Variants in MICU3 observed in about 807,000 individuals in gnomAD.
MICU3 encodes the protein calcium uptake protein 3, mitochondrial.
In MICU3, 62 loss-of-function variants were observed where a neutral mutation model predicts 66.5. That is an observed-to-expected ratio of 0.93 (90% CI 0.76 to 1.15). The LOEUF (loss-of-function observed/expected upper bound fraction) is 1.15. Ranked by LOEUF, MICU3 falls within the 50% of genes most tolerant of loss-of-function variation. The pLI is 0.00. For missense variants in MICU3, 779 were observed against 664.4 expected (o/e 1.17, Z -1.90); for synonymous variants, 308 against 240.7 (o/e 1.28, Z -2.59).
chr8:17,128,628 A>G, the MICU3 span, among the ~76,000 whole-genome samples: 2 of 152,194 alleles, frequency 1.3e-5, no homozygotes, highest in Admixed American at 6.5e-5. Context: ...AACAACTACG[A>G]CATTGCACAA....
At chr8:17,107,835 G>T in intron 11 of MICU3, among the ~76,000 whole-genome samples, 1 of 152,340 alleles carries the variant, frequency 6.6e-6, no homozygotes, top group East Asian at 1.9e-4. Flanking sequence ...ACACTCAGAT[G>T]TGGTCTAATT....
downstream of MICU3, among the ~76,000 whole-genome samples, chr8:17,126,428 A>G (rs1212810724): frequency 6.6e-6 from 1 of 152,226 alleles, no homozygotes; most frequent in Non-Finnish European, 1.5e-5. Context: ...ATTATGGTAT[A>G]GTTTCAAGAG....
chr8:17,036,539 A>G (rs113480104), intron 1 of MICU3, among the ~76,000 whole-genome samples: 22,668 of 152,006 alleles, frequency 0.15, 2,197 homozygotes, highest in East Asian at 0.38. Context: ...GCTAGATACA[A>G]AGGTTCTCCA....
intron 11 of MICU3, among the ~76,000 whole-genome samples, chr8:17,112,022 A>C (rs1012601579): frequency 6.6e-6 from 1 of 152,048 alleles, no homozygotes; most frequent in Non-Finnish European, 1.5e-5. Flanking sequence ...AGACCATCAG[A>C]TCTCATGAGA....
At chr8:17,129,115 A>C in the MICU3 span, among the ~76,000 whole-genome samples, 1 of 152,204 alleles carries the variant, frequency 6.6e-6, no homozygotes. Context: ...CTCTTGACCT[A>C]TCCTAAAATT....
At chr8:17,137,481 A>G in the MICU3 span, among the ~76,000 whole-genome samples, 15 of 149,566 alleles carry the variant, frequency 1.0e-4, no homozygotes, top group East Asian at 2.0e-3. Context: ...AAAAAGTTTT[A>G]TATTTAATAC....
chr8:17,089,385 AC>A (rs1388231756), intron 7 of MICU3, among the ~76,000 whole-genome samples: 1 of 152,056 alleles, frequency 6.6e-6, no homozygotes, highest in African/African-American at 2.4e-5. Flanking sequence ...ATTTTATATT[AC>A]TTTAGTTATC....
At chr8:17,125,611 CG>C (rs1420593898), downstream of MICU3, among the ~76,000 whole-genome samples, 3 of 152,118 alleles carry the variant, frequency 2.0e-5, no homozygotes, top group African/African-American at 7.2e-5. Flanking sequence ...GGCCAGATTT[CG>C]CCTGCCTGGC....
downstream of MICU3, among the ~76,000 whole-genome samples, chr8:17,123,266 C>T (rs1008470761): frequency 6.6e-6 from 1 of 151,926 alleles, no homozygotes; most frequent in Non-Finnish European, 1.5e-5. Flanking sequence ...GTATTTTTGG[C>T]ACACATCTTA....
chr8:17,124,934 A>G (rs2904649), downstream of MICU3, among the ~76,000 whole-genome samples: 27,267 of 151,978 alleles, frequency 0.18, 2,640 homozygotes, highest in Admixed American at 0.26. Context: ...CCAAAATTTC[A>G]AATTAATGTA....
chr8:17,093,827 G>A (rs976118030), intron 8 of MICU3, among the ~76,000 whole-genome samples: 1 of 151,630 alleles, frequency 6.6e-6, no homozygotes, highest in Non-Finnish European at 1.5e-5. Flanking sequence ...GTTTTTTCCT[G>A]TAGTGATGAT....
chr8:17,034,782 TATGA>T (rs1432576288), intron 1 of MICU3, among the ~76,000 whole-genome samples: 1 of 152,250 alleles, frequency 6.6e-6, no homozygotes. Flanking sequence ...GACTTGCCTC[TATGA>T]ATGAGCAAAG....
At chr8:17,059,898 C>T (rs937390045) in intron 1 of MICU3, among the ~76,000 whole-genome samples, 6 of 152,158 alleles carry the variant, frequency 3.9e-5, no homozygotes, top group Middle Eastern at 3.4e-3. Context: ...TATTGTGAGA[C>T]GATCAATTCT....
At chr8:17,099,238 A>AT (rs1801044100) in intron 9 of MICU3, among the ~76,000 whole-genome samples, 1 of 151,664 alleles carries the variant, frequency 6.6e-6, no homozygotes. Flanking sequence ...CTTATTAAGA[A>AT]TTTTTCCTAA....
chr8:17,136,712 G>A, the MICU3 span, among the ~76,000 whole-genome samples: 1 of 152,184 alleles, frequency 6.6e-6, no homozygotes, highest in African/African-American at 2.4e-5. Context: ...TAGGAGTTGG[G>A]CAGGGCATAC....
At chr8:17,063,281 G>C (rs186500347) in intron 1 of MICU3, among the ~76,000 whole-genome samples, 1 of 152,050 alleles carries the variant, frequency 6.6e-6, no homozygotes, top group East Asian at 1.9e-4. Context: ...TAATTGATAA[G>C]TGAAAAAGAT....
intron 1 of MICU3, among the ~76,000 whole-genome samples, chr8:17,031,283 A>G (rs1268668097): frequency 1.4e-5 from 2 of 147,310 alleles, no homozygotes; most frequent in Non-Finnish European, 3.0e-5. Flanking sequence ...TATTATTATT[A>G]TTATTATTAT....
intron 8 of MICU3, among the ~76,000 whole-genome samples, chr8:17,093,408 A>G (rs564093903): frequency 3.6e-4 from 55 of 152,118 alleles, no homozygotes; most frequent in Non-Finnish European, 3.1e-4. Flanking sequence ...AACAATATCA[A>G]TATTCTTAAA....
chr8:17,054,994 C>T (rs1157842967), intron 1 of MICU3, among the ~76,000 whole-genome samples: 2 of 152,062 alleles, frequency 1.3e-5, no homozygotes, highest in Non-Finnish European at 2.9e-5. Flanking sequence ...GCCTCAGCCT[C>T]CTAAAGTGCT....
Sources: gnomAD v4.1 joint callset for allele counts (sites outside exome capture counted in the v4.1 genomes callset) on GRCh38, gnomAD v4.1.1 for gene constraint, MANE v1.5 for transcripts, NCBI Gene and HGNC (gene_info 2026-07-23, HGNC 2026-07-21) for gene names.